The following MYH4 variants were observed in gnomAD, a reference collection of about 807,000 sequenced individuals.
MYH4 encodes the protein myosin-4.
A neutral mutation model predicts 229.9 loss-of-function variants in MYH4; 200 were observed. The observed-to-expected ratio is 0.87, with a 90% confidence interval of 0.78 to 0.98. The LOEUF (loss-of-function observed/expected upper bound fraction) is 0.98. Ranked by LOEUF, MYH4 falls within the 50% of genes least tolerant of loss-of-function variation. The pLI, the probability that MYH4 is intolerant of heterozygous loss-of-function variation, is 0.00. For missense variants in MYH4, 2,148 were observed against 2,332.6 expected (o/e 0.92, Z 1.63); for synonymous variants, 761 against 834.6 (o/e 0.91, Z 1.52).
In MYH4 at chr17:10,455,518, A is replaced by G. The variant is rs1002643497; in HGVS notation, c.2174+96T>C. 1.4e-5 allele frequency: 21 copies of G among 1,485,142 alleles called. No individual in the cohort carries two copies. In the African/African-American group the frequency reaches 2.5e-4, roughly 18 times the overall value. The allele number at this position is 1,485,142 out of a possible 1,614,324, so 92.0% of individuals were successfully genotyped here. On this transcript the variant is annotated intron_variant, in intron 19 of 39. Coordinates refer to ENST00000255381, the MANE Select transcript of MYH4 (RefSeq NM_017533.2). The stretch of plus-strand genomic sequence containing the variant: ...TTATGATCAATTTTCAAATAATTGC[A>G]TGTCATTTTTCAAGGAAAAGTTTAA...
rs2072640400 is a variant in MYH4, at chr17:10,456,526, T to C, written c.1927A>G (p.Lys643Glu). The change falls in exon 17 of 40, where the codon AAG becomes GAG. Residue 643 changes from lysine (K) to glutamate (E), a missense_variant. Lys to Glu is a moderately conservative substitution (Grantham distance 56, BLOSUM62 1). Coordinates refer to ENST00000255381, the MANE Select transcript of MYH4 (RefSeq NM_017533.2). ...EGGGGKKGGKKKGSSFQTVSA... is the reference protein window; with the variant it reads ...EGGGGKKGGKEKGSSFQTVSA... ...ACTGTCTGGAAAGAAGAACCCTTCT[T>C]TTTGCCACCTTTCTTTCCACCACCA... 1.2e-6 allele frequency: 2 copies of C among 1,614,022 alleles called. No individual in the cohort carries two copies. Among genetic ancestry groups the C allele is most frequent in the African/African-American group, 1.3e-5 (1 of 75,036 alleles).
Position 10,463,587 on chromosome 17 carries a change from A to G in MYH4, c.705T>C (p.Asn235=), listed in dbSNP as rs370682652. Residue 235 remains asparagine (N), a synonymous_variant, in exon 8 of 40, where the codon AAT becomes AAC. Coordinates refer to ENST00000255381, the MANE Select transcript of MYH4 (RefSeq NM_017533.2). ...SANPLLEAFG[N]AKTVRNDNSS... ...AGTTGTCATTCCTCACGGTCTTGGC[A>G]TTGCCGAAGGCTTCCAGTAGGGGGT... The G allele has an allele frequency of 4.9e-5, 79 of 1,613,948 alleles. No individual in the cohort carries two copies. The African/African-American group carries it at 5.9e-4, about 12-fold the overall frequency.
chr17:10,456,014 A>T, intron 17 of MYH4, 113 bp from the exon 18 acceptor site: 1 of 1,291,038 alleles, frequency 7.7e-7, no homozygotes, highest in South Asian at 1.4e-5. Context: ...AAGGAAAAAC[A>T]AATTATCATA....
chr17:10,468,742 T>C (rs2072792155), intron 2 of MYH4, among the ~76,000 whole-genome samples: 1 of 152,234 alleles, frequency 6.6e-6, no homozygotes, highest in Non-Finnish European at 1.5e-5. Context: ...CCTCGTTTAC[T>C]GATGAGGAAA....
At chr17:10,461,141 C>A in intron 11 of MYH4, 87 bp from the exon 12 acceptor site, 1 of 1,466,524 alleles carries the variant, frequency 6.8e-7, no homozygotes, top group Non-Finnish European at 9.4e-7. Context: ...ACTTTTTTCT[C>A]ATCACGCCTT....
Position 10,452,206 on chromosome 17 carries a change from C to T in MYH4, c.3473G>A (p.Gly1158Asp), listed in dbSNP as rs966318616. The T allele has an allele frequency of 3.7e-6, 6 of 1,613,790 alleles. No individual in the cohort carries two copies. The African/African-American group carries it at 4.0e-5, about 11-fold the overall frequency. Residue 1158 changes from glycine to aspartate, a missense_variant, in exon 27 of 40, where the codon GGT becomes GAT. Gly to Asp is a moderately conservative substitution (Grantham distance 94, BLOSUM62 -1). Transcript: ENST00000255381. ...CTCAATCTGGGCTGAAGTGGCCCCA[C>T]CGGCTTCTTCCAGCCTCTCACTGAT... ...EEISERLEEA[G>D]GATSAQIEMN...
rs764056557 is a variant in MYH4, at chr17:10,452,207, C to T, written c.3472G>A (p.Gly1158Ser). 9 of 1,613,768 alleles carry T rather than the reference C, an allele frequency of 5.6e-6. No individual in the cohort carries two copies. The highest frequency in any genetic ancestry group is 4.4e-5 in the South Asian group (4 of 91,068). ...TCAATCTGGGCTGAAGTGGCCCCAC[C>T]GGCTTCTTCCAGCCTCTCACTGATC... is the stretch of plus-strand genomic sequence containing the variant. ...EEISERLEEAGGATSAQIEMN... is the reference protein window; with the variant it reads ...EEISERLEEASGATSAQIEMN... Residue 1158 changes from glycine to serine, a missense_variant, in exon 27 of 40, where the codon GGT becomes AGT. Gly to Ser is a moderately conservative substitution (Grantham distance 56, BLOSUM62 0). Transcript: ENST00000255381.
Position 10,465,531 on chromosome 17 carries a change from A to G in MYH4, c.416T>C (p.Val139Ala), listed in dbSNP as rs1308487134. 1.2e-6 allele frequency: 2 copies of G among 1,614,124 alleles called. No individual in the cohort carries two copies. The highest frequency in any genetic ancestry group is 1.7e-5 in the Admixed American group (1 of 60,016). ...YKWLPVYNPE[V>A]VTAYRGKKRQ... ...CTTTTTGCCTCGGTAGGCTGTCACC[A>G]CCTCAGGGTTGTACACCGGCAGCCA... is the stretch of plus-strand genomic sequence containing the variant. The change falls in exon 5 of 40, where the codon GTG becomes GCG. Residue 139 changes from valine to alanine, a missense_variant. Val to Ala is a moderately conservative substitution (Grantham distance 64). Coordinates refer to ENST00000255381, the MANE Select transcript of MYH4 (RefSeq NM_017533.2).
intron 14 of MYH4, among the ~76,000 whole-genome samples, chr17:10,459,738 C>T (rs1196072741): frequency 1.3e-5 from 2 of 151,904 alleles, no homozygotes; most frequent in African/African-American, 4.8e-5. Context: ...ACTATTTTAA[C>T]CTCTCAGGGA....
intron 25 of MYH4, 122 bp downstream of exon 25, chr17:10,452,665 T>C (rs2072590567): frequency 7.7e-7 from 1 of 1,306,852 alleles, no homozygotes; most frequent in Non-Finnish European, 1.1e-6. Context: ...AATAAAAAGG[T>C]CAAAGATGTC....
chr17:10,467,990 A>G (rs1335194819), intron 2 of MYH4, among the ~76,000 whole-genome samples: 1 of 152,190 alleles, frequency 6.6e-6, no homozygotes, highest in Non-Finnish European at 1.5e-5. Context: ...TGTCATCAGC[A>G]TTAACTTTCC....
rs754180639 is a variant in MYH4 at position 10,453,247 on chromosome 17, C to T, written c.3016G>A (p.Ala1006Thr). The change falls in exon 24 of 40, where the codon GCC becomes ACC. Residue 1006 changes from alanine to threonine, a missense_variant. Transcript: ENST00000255381. ...AGGTCATCCAGGGTCTGCTGGTGGG[C>T]CTCCTGGAGAGCCTTCTTCTCCTTG... is the stretch of plus-strand genomic sequence containing the variant. ...LTKEKKALQEAHQQTLDDLQM... is the reference protein window; with the variant it reads ...LTKEKKALQETHQQTLDDLQM... The T allele has an allele frequency of 1.2e-5, 19 of 1,614,054 alleles. No homozygotes were observed. The East Asian group carries it at 4.0e-4, about 34-fold the overall frequency.
chr17:10,465,384 C>T, intron 5 of MYH4, 58 bp downstream of exon 5: 2 of 1,584,890 alleles, frequency 1.3e-6, no homozygotes, highest in South Asian at 1.1e-5. Context: ...TATGTTTTTT[C>T]TGATATCAGT....
intron 27 of MYH4, 130 bp downstream of exon 27, chr17:10,451,811 T>C: frequency 1.7e-6 from 2 of 1,150,998 alleles, no homozygotes; most frequent in South Asian, 1.6e-5. Flanking sequence ...CAATAATGTG[T>C]ACTAGGAGTA....
At chr17:10,453,544 G>T in intron 23 of MYH4, 99 bp downstream of exon 23, 1 of 1,584,670 alleles carries the variant, frequency 6.3e-7, no homozygotes, top group South Asian at 1.1e-5. Flanking sequence ...TATGACAGTG[G>T]TATTTTTTAT....
In MYH4 at chr17:10,455,297, T is replaced by A; in HGVS notation, c.2175-2A>T. ...GCACTCGCATTTAGAACCTTGTATC[T>A]GTCAGAATAAAAAGAATATAAAAAT... On this transcript the variant is annotated splice_acceptor_variant, in intron 19 of 39. Transcript: ENST00000255381. LOFTEE classifies it high-confidence loss of function. 2 of 1,607,912 alleles carry A rather than the reference T, an allele frequency of 1.2e-6. No homozygotes were observed. Among genetic ancestry groups the A allele is most frequent in the Non-Finnish European group, 1.7e-6 (2 of 1,178,160 alleles).
rs2072500049 is a variant in MYH4 at position 10,445,365 on chromosome 17, G to C, written c.5170-3C>G. On this transcript the variant is annotated splice_region_variant and splice_polypyrimidine_tract_variant and intron_variant, in intron 35 of 39. Transcript: ENST00000255381. The stretch of plus-strand genomic sequence containing the variant: ...TTGGTGTTGATCAGGCTGGTGTTCT[G>C]TTTCAAATTAATGAAAGAGAAGAGA... The C allele has an allele frequency of 6.2e-7, 1 of 1,605,968 alleles. No homozygotes were observed. The highest frequency in any genetic ancestry group is 2.3e-5 in the East Asian group (1 of 43,720).
At chr17:10,451,086 G>A (rs939101112) in intron 28 of MYH4, among the ~76,000 whole-genome samples, 191 bp from the exon 29 acceptor site, 1 of 152,116 alleles carries the variant, frequency 6.6e-6, no homozygotes, top group African/African-American at 2.4e-5. Flanking sequence ...TAGAATTCGA[G>A]AACTTTTGAG....
intron 4 of MYH4, among the ~76,000 whole-genome samples, chr17:10,466,063 C>A (rs535098127): frequency 6.6e-6 from 1 of 152,226 alleles, no homozygotes; most frequent in East Asian, 1.9e-4. Flanking sequence ...CGTGAGCCAC[C>A]GCGCCCGGCC....
Sources: gnomAD v4.1 joint callset for allele counts (sites outside exome capture counted in the v4.1 genomes callset) on GRCh38, gnomAD v4.1.1 for gene constraint, MANE v1.5 for transcripts, NCBI Gene and HGNC (gene_info 2026-07-23, HGNC 2026-07-21) for gene names.